ALG9: variants seen among roughly 807,000 people sequenced by gnomAD.
ALG9 encodes ALG9 alpha-1,2-mannosyltransferase.
Under a neutral mutation model 81.8 loss-of-function variants are expected in ALG9, and 55 were observed. That is an observed-to-expected ratio of 0.67 (90% CI 0.54 to 0.84). ALG9 has a LOEUF of 0.84. Ranked by LOEUF, ALG9 falls within the 40% of genes least tolerant of loss-of-function variation. The probability of loss-of-function intolerance (pLI) is 0.00; values close to 1 mark genes in which losing one functional copy is unlikely to be tolerated. For missense variants in ALG9, 629 were observed against 745.0 expected, an observed-to-expected ratio of 0.84 and a Z score of 1.81; for synonymous variants, 278 against 274.3, an observed-to-expected ratio of 1.01 and a Z score of -0.13.
At chr11:111,850,022 C>CT (rs1404349085) in intron 8 of ALG9, among the ~76,000 whole-genome samples, 1 of 152,146 alleles carries the variant, frequency 6.6e-6, no homozygotes, top group Non-Finnish European at 1.5e-5. Context: ...ATCTCGCTGT[C>CT]TGACAATTTT....
chr11:111,865,277 CAG>C, intron 3 of ALG9, 26 bp from the exon 4 acceptor site: 2 of 1,525,552 alleles, frequency 1.3e-6, no homozygotes, highest in Non-Finnish European at 1.8e-6. Flanking sequence ...AAAAAGAAAA[CAG>C]AAGTCACAGA....
At chr11:111,847,869 A>G (rs1957160571) in intron 8 of ALG9, among the ~76,000 whole-genome samples, 1 of 152,178 alleles carries the variant, frequency 6.6e-6, no homozygotes, top group African/African-American at 2.4e-5. Flanking sequence ...ATCACTTTCC[A>G]AACCAAAATG....
At chr11:111,851,587 T>A (rs1324534042) in intron 8 of ALG9, among the ~76,000 whole-genome samples, 1 of 151,886 alleles carries the variant, frequency 6.6e-6, no homozygotes, top group Non-Finnish European at 1.5e-5. Context: ...AGTTAGAGTA[T>A]CAGTAACCCA....
chr11:111,840,489 C>G (rs907763660), intron 10 of ALG9, among the ~76,000 whole-genome samples, 166 bp downstream of exon 10: 2 of 152,188 alleles, frequency 1.3e-5, no homozygotes, highest in African/African-American at 4.8e-5. Context: ...TGGTAAACAG[C>G]TAAGCAATCA....
chr11:111,852,210 T>A (rs981709223), intron 8 of ALG9, among the ~76,000 whole-genome samples: 6 of 152,292 alleles, frequency 3.9e-5, no homozygotes, highest in African/African-American at 1.4e-4. Context: ...CAAGCCCTTA[T>A]ACAGAATGTT....
chr11:111,868,726 A>C lies in ALG9; in HGVS notation c.281T>G (p.Leu94Arg). The change falls in exon 3 of 15, where the codon CTC becomes CGC. Residue 94 changes from leucine (L) to arginine (R), a missense_variant. Leu to Arg is a moderately radical substitution (Grantham distance 102). Around this residue, in one of 3 missense-constraint regions of ALG9, gnomAD observed 344 missense variants for 390.5 expected, o/e 0.88. Coordinates refer to ENST00000616540, the MANE Select transcript of ALG9 (RefSeq NM_024740.2). ...AGTCTGAAACCCTTCCCCATAGATG[A>C]GGTAGTGTGTCTAAAAATACAAAAC... ...TFNYWEPTHY[L>R]IYGEGFQTWE... 6.2e-7 allele frequency: 1 copy of C among 1,610,774 alleles called. No individual in the cohort carries two copies. Among genetic ancestry groups the C allele is most frequent in the Non-Finnish European group, 8.5e-7 (1 of 1,178,174 alleles).
chr11:111,837,610 G>A lies in ALG9; in HGVS notation c.1330C>T (p.His444Tyr). 1.2e-6 allele frequency: 2 copies of A among 1,614,012 alleles called. No homozygotes were observed. The highest frequency in any genetic ancestry group is 1.7e-6 in the Non-Finnish European group (2 of 1,179,920). ...SRSVALFRGYHGPLDLYPEFY... is the reference protein window; with the variant it reads ...SRSVALFRGYYGPLDLYPEFY... ...TCTGGATACAAATCAAGGGGCCCGT[G>A]ATATCCTGGAAGGGAGAACAGTTAG... The change falls in exon 12 of 15, where the codon CAC becomes TAC. Residue 444 changes from histidine to tyrosine, a missense_variant. Coordinates refer to ENST00000616540, the MANE Select transcript of ALG9 (RefSeq NM_024740.2).
intron 13 of ALG9, among the ~76,000 whole-genome samples, chr11:111,832,739 T>C (rs1555114206): frequency 6.6e-6 from 1 of 152,212 alleles, no homozygotes; most frequent in Non-Finnish European, 1.5e-5. Context: ...ATGACCAATC[T>C]ATGTTTTCAA....
chr11:111,833,682 G>A (rs1459885052), intron 13 of ALG9, among the ~76,000 whole-genome samples: 1 of 152,066 alleles, frequency 6.6e-6, no homozygotes, highest in African/African-American at 2.4e-5. Flanking sequence ...AAAAATCCTC[G>A]CATTCAAAGG....
At chr11:111,867,357 C>A (rs1262309423) in intron 3 of ALG9, among the ~76,000 whole-genome samples, 4 of 152,092 alleles carry the variant, frequency 2.6e-5, no homozygotes, top group Non-Finnish European at 4.4e-5. Context: ...AACAGTCCAT[C>A]GATAGATTCC....
chr11:111,770,211 G>C, the ALG9 span, among the ~76,000 whole-genome samples: 1 of 152,128 alleles, frequency 6.6e-6, no homozygotes, highest in Admixed American at 6.5e-5. Flanking sequence ...GCAGATTTCT[G>C]GCCTCCAACC....
chr11:111,868,759 T>C lies in ALG9; in HGVS notation c.271-23A>G, dbSNP rs781983365. 2.5e-6 allele frequency: 4 copies of C among 1,589,974 alleles called. No individual in the cohort carries two copies. In the South Asian group the frequency reaches 4.6e-5, roughly 18 times the overall value. On this transcript the variant is annotated intron_variant, in intron 2 of 14. Transcript: ENST00000616540. ...TGTCTAAAAATACAAAACAGATAGA[T>C]TCAGGGTTATACTGGCCAAAAATCT...
chr11:111,778,710 C>T (rs1186563741), downstream of ALG9, among the ~76,000 whole-genome samples: 2 of 151,998 alleles, frequency 1.3e-5, no homozygotes, highest in Non-Finnish European at 2.9e-5. Context: ...AGCTAGATCA[C>T]CTGGAGAGTT....
At chr11:111,817,927 C>T (rs782270911) in intron 13 of ALG9, among the ~76,000 whole-genome samples, 10 of 151,982 alleles carry the variant, frequency 6.6e-5, no homozygotes, top group Non-Finnish European at 1.5e-5. Context: ...TACAGGGGCC[C>T]GCCACCACGG....
At chr11:111,840,868 G>T in intron 9 of ALG9, 59 bp from the exon 10 acceptor site, 1 of 1,596,800 alleles carries the variant, frequency 6.3e-7, no homozygotes, top group Non-Finnish European at 8.6e-7. Context: ...AACATATTTA[G>T]TTTTAGTGTT....
chr11:111,870,397 A>AG, intron 1 of ALG9, 27 bp from the exon 2 acceptor site: 1 of 1,521,074 alleles, frequency 6.6e-7, no homozygotes, highest in Non-Finnish European at 8.8e-7. Flanking sequence ...AAAAAAAAAA[A>AG]AAAAAAAGCA....
chr11:111,844,785 T>G, intron 8 of ALG9, 62 bp from the exon 9 acceptor site: 1 of 1,555,194 alleles, frequency 6.4e-7, no homozygotes, highest in South Asian at 1.1e-5. Flanking sequence ...TTACGGTGCT[T>G]GACATATAAT....
At chr11:111,861,523 G>A (rs1007442487) in intron 4 of ALG9, among the ~76,000 whole-genome samples, 1 of 152,126 alleles carries the variant, frequency 6.6e-6, no homozygotes, top group Non-Finnish European at 1.5e-5. Flanking sequence ...TCAGGCTGGA[G>A]TGCAGTGGCA....
chr11:111,809,800 A>G, intron 13 of ALG9, 27 bp from the exon 14 acceptor site: 2 of 1,613,362 alleles, frequency 1.2e-6, no homozygotes, highest in East Asian at 2.2e-5. Context: ...CCAACTCTTC[A>G]TTAGTAATTT....
Sources: gnomAD v4.1 joint callset for allele counts (sites outside exome capture counted in the v4.1 genomes callset) on GRCh38, gnomAD v4.1.1 for gene constraint, gnomAD v4.1.1 regional missense constraint, MANE v1.5 for transcripts, NCBI Gene and HGNC (gene_info 2026-07-23, HGNC 2026-07-21) for gene names.